Variants in CTSC observed in about 807,000 individuals in gnomAD.
CTSC encodes cathepsin C, also known as dipeptidyl peptidase 1.
In CTSC, 37 loss-of-function variants were observed where a neutral mutation model predicts 40.9. That is an observed-to-expected ratio of 0.91 (90% CI 0.70 to 1.19). CTSC has a LOEUF of 1.19. CTSC is among the 50% of genes most tolerant of loss of function. The probability of loss-of-function intolerance (pLI) is 0.00; values close to 1 mark genes in which losing one functional copy is unlikely to be tolerated. For synonymous variants in CTSC, 232 were observed against 207.4 expected (o/e 1.12, Z -1.02); for missense variants, 594 against 567.3 (o/e 1.05, Z -0.48).
At chr11:88,324,303 T>G (rs1161073886) in intron 2 of CTSC, 3 of 870,894 alleles carry the variant, frequency 3.4e-6, no homozygotes, top group Non-Finnish European at 4.1e-6. Context: ...TAAAACACCC[T>G]AGAAGAAAAT....
intron 2 of CTSC, among the ~76,000 whole-genome samples, chr11:88,313,535 G>GTTAAAACTATTA (rs1395608347): frequency 6.6e-6 from 1 of 152,120 alleles, no homozygotes; most frequent in Non-Finnish European, 1.5e-5. Context: ...AACAGATCCA[G>GTTAAAACTATTA]GATTTGAACT....
Position 88,312,422 on chromosome 11 carries a change from C to A in CTSC, c.451G>T (p.Val151Phe). Residue 151 changes from valine to phenylalanine, a missense_variant, in exon 3 of 7, where the codon GTC becomes TTC. By Grantham distance (50) the Val-to-Phe change is conservative. Transcript: ENST00000227266. Reference sequence around the variant, plus strand: ...GAATTCTTAAGGTGTGCTATGTTGACATACACATTCTCAGAGGCAGTTCCC... The same window carrying A: ...GAATTCTTAAGGTGTGCTATGTTGAAATACACATTCTCAGAGGCAGTTCCC... ...KVGTASENVY[V>F]NIAHLKNSQE... is the part of the protein sequence containing the mutation. 2 of 1,614,128 alleles carry A rather than the reference C, an allele frequency of 1.2e-6. No individual in the cohort carries two copies. Among genetic ancestry groups the A allele is most frequent in the Non-Finnish European group, 1.7e-6 (2 of 1,179,984 alleles).
intron 4 of CTSC, among the ~76,000 whole-genome samples, chr11:88,305,607 G>C (rs553576324): frequency 3.6e-4 from 55 of 152,294 alleles, no homozygotes; most frequent in African/African-American, 1.3e-3. Flanking sequence ...AAGAATCTTT[G>C]AGAGTTTCTA....
At chr11:88,327,183 T>C (rs1321375492) in intron 2 of CTSC, among the ~76,000 whole-genome samples, 1 of 152,230 alleles carries the variant, frequency 6.6e-6, no homozygotes, top group African/African-American at 2.4e-5. Context: ...TATTAGTGGC[T>C]GTATGGAACA....
rs950515818 is a variant in CTSC at position 88,296,215 on chromosome 11, C to T, written c.807G>A (p.Ala269=). ...AATTGTTGGTTAGTATACGGATTCT[C>T]GCTTCTAGCATACCCATAGAAGCAA... is the stretch of plus-strand genomic sequence containing the variant. ...YSFASMGMLE[A]RIRILTNNSQ... is the part of the protein sequence containing the mutation. Residue 269 remains alanine (A), a synonymous_variant, in exon 6 of 7, where the codon GCG becomes GCA. Coordinates refer to ENST00000227266, the MANE Select transcript of CTSC (RefSeq NM_001814.6). 6 of 1,613,992 alleles carry T rather than the reference C, an allele frequency of 3.7e-6. No individual in the cohort carries two copies. The highest frequency in any genetic ancestry group is 5.1e-6 in the Non-Finnish European group (6 of 1,179,932).
chr11:88,309,716 C>G (rs1937705854), intron 3 of CTSC, among the ~76,000 whole-genome samples: 1 of 151,658 alleles, frequency 6.6e-6, no homozygotes, highest in Admixed American at 6.6e-5. Flanking sequence ...AAAGTTTATA[C>G]ATAATCATAA....
At chr11:88,302,467 CA>C (rs984351953) in intron 4 of CTSC, among the ~76,000 whole-genome samples, 5 of 150,084 alleles carry the variant, frequency 3.3e-5, no homozygotes, top group Admixed American at 2.7e-4. Flanking sequence ...ACTAAAAATA[CA>C]AAAAAAAATT....
chr11:88,303,451 T>G (rs1937600691), intron 4 of CTSC, among the ~76,000 whole-genome samples: 1 of 152,186 alleles, frequency 6.6e-6, no homozygotes. Flanking sequence ...TTCAATTAAT[T>G]TGCTAGAGTG....
chr11:88,294,469 T>A lies in CTSC; in HGVS notation c.929A>T (p.Tyr310Phe). The part of the protein sequence containing the change: ...GGFPYLIAGK[Y>F]AQDFGLVEEA... ...TTCCACCAGCCCAAAATCTTGGGCG[T>A]ACTTTCCTGCAATAAGGTATGGGAA... The change falls in exon 7 of 7, where the codon TAC (tyrosine) becomes TTC (phenylalanine). Residue 310 changes from tyrosine to phenylalanine, a missense_variant. Physicochemically the swap from Tyr to Phe is conservative, Grantham distance 22 (BLOSUM62 3). Coordinates refer to ENST00000227266, the MANE Select transcript of CTSC (RefSeq NM_001814.6). 6.2e-7 allele frequency: 1 copy of A among 1,614,144 alleles called. No individual in the cohort carries two copies. The highest frequency in any genetic ancestry group is 8.5e-7 in the Non-Finnish European group (1 of 1,180,010).
At chr11:88,325,785 A>G (rs889332037) in intron 2 of CTSC, 1 of 985,748 alleles carries the variant, frequency 1.0e-6, no homozygotes, top group South Asian at 4.7e-5. Flanking sequence ...ATACTATAGC[A>G]GTCTGACATA....
At position 88,301,810 on chromosome 11, in the gene CTSC, GCA is replaced by G. The variant is rs71046248; in HGVS notation, c.642-1167_642-1166del. Among the ~76,000 whole-genome samples the G allele has an allele frequency of 1.2e-3, 145 of 118,226 alleles. 1 individual carries two copies. The highest frequency in any genetic ancestry group is 2.1e-3 in the African/African-American group (80 of 38,528). 77.6% of individuals were successfully genotyped at this position (118,226 alleles called of 152,430 possible). A position where few individuals can be genotyped will look rare whatever the true frequency, so the allele number is the denominator to read the frequency against. ...TGCACACACACACAAACACACGCGCGCACACACACACACACACACACACACAG... is the reference window on the plus strand; with the variant it reads ...TGCACACACACACAAACACACGCGCGCACACACACACACACACACACACAG... On this transcript the variant is annotated intron_variant, in intron 4 of 6. Transcript: ENST00000227266.
intron 2 of CTSC, among the ~76,000 whole-genome samples, chr11:88,319,304 C>G (rs1937945888): frequency 6.6e-6 from 1 of 152,094 alleles, no homozygotes; most frequent in African/African-American, 2.4e-5. Flanking sequence ...TGAAATGGTT[C>G]CATCACTATA....
At chr11:88,324,901 C>A in intron 2 of CTSC, 1 of 985,168 alleles carries the variant, frequency 1.0e-6, no homozygotes, top group Non-Finnish European at 1.2e-6. Context: ...TGAAATACTT[C>A]TTCTCAGAAT....
intron 2 of CTSC, chr11:88,324,940 C>A (rs962958028): frequency 2.0e-6 from 2 of 985,300 alleles, no homozygotes; most frequent in Non-Finnish European, 2.4e-6. Context: ...TCAGATCATA[C>A]AAAGAGTCAT....
chr11:88,326,478 C>G lies in CTSC; in HGVS notation c.318+8459G>C, dbSNP rs758134968. 3.0e-6 allele frequency: 4 copies of G among 1,330,966 alleles called. No homozygotes were observed. In the Admixed American group the frequency reaches 6.8e-5, roughly 23 times the overall value. The allele number at this position is 1,330,966 out of a possible 1,614,324, so 82.4% of individuals were successfully genotyped here. ...AATAAAAACTAGGGTTACAAGCCAA[C>G]AAGGATCATATTGTCTCTTAATATT... On this transcript the variant is annotated intron_variant, in intron 2 of 6. Transcript: ENST00000227266.
chr11:88,326,445 T>C (rs200024523), intron 2 of CTSC: 1 of 1,602,398 alleles, frequency 6.2e-7, no homozygotes. Flanking sequence ...ATTTAATAAC[T>C]ACAAGACAAT....
At position 88,293,893 on chromosome 11, in the gene CTSC, T is replaced by C. The variant is rs564800917; in HGVS notation, c.*113A>G. ...TTAATTCTGAAGACAAATATCTTCATGGAAATCTATTTGTAAGCTTCTGAG... is the reference window on the plus strand; with the variant it reads ...TTAATTCTGAAGACAAATATCTTCACGGAAATCTATTTGTAAGCTTCTGAG... On this transcript the variant is annotated 3_prime_UTR_variant, in exon 7 of 7. Coordinates refer to ENST00000227266, the MANE Select transcript of CTSC (RefSeq NM_001814.6). 4.7e-6 allele frequency: 6 copies of C among 1,268,704 alleles called. No individual in the cohort carries two copies. The highest frequency in any genetic ancestry group is 3.4e-5 in the Admixed American group (2 of 58,556). The allele number at this position is 1,268,704 out of a possible 1,614,324, so 78.6% of individuals were successfully genotyped here.
At chr11:88,296,385 T>C in intron 5 of CTSC, 121 bp from the exon 6 acceptor site, 1 of 1,243,550 alleles carries the variant, frequency 8.0e-7, no homozygotes, top group Non-Finnish European at 1.1e-6. Flanking sequence ...TTTATAAGAA[T>C]CAGCACAATA....
intron 2 of CTSC, among the ~76,000 whole-genome samples, chr11:88,313,242 G>A (rs1425566906): frequency 6.6e-6 from 1 of 152,076 alleles, no homozygotes; most frequent in Non-Finnish European, 1.5e-5. Flanking sequence ...GCTAATTTTT[G>A]TATTGTTTAG....
Sources: allele counts gnomAD v4.1 joint callset (sites outside exome capture counted in the v4.1 genomes callset), GRCh38; gene constraint gnomAD v4.1.1; transcripts MANE v1.5; gene names NCBI Gene and HGNC (gene_info 2026-07-23, HGNC 2026-07-21).